TMCO1: variants seen among roughly 807,000 people sequenced by gnomAD.
TMCO1 encodes the protein transmembrane and coiled-coil domains 1.
A neutral mutation model predicts 29.3 loss-of-function variants in TMCO1; 29 were observed. That is an observed-to-expected ratio of 0.99 (90% confidence interval 0.74 to 1.35). The LOEUF is 1.35. TMCO1 is among the 40% of genes most tolerant of loss of function. The probability of loss-of-function intolerance (pLI) is 0.00; values close to 1 mark genes in which losing one functional copy is unlikely to be tolerated. For synonymous variants in TMCO1, 80 were observed against 77.1 expected, an observed-to-expected ratio of 1.04 and a Z score of -0.20; for missense variants, 173 against 225.5, an observed-to-expected ratio of 0.77 and a Z score of 1.49.
At chr1:165,725,397 C>G (rs1158382626), downstream of TMCO1, 1 of 454,086 alleles carries the variant, frequency 2.2e-6, no homozygotes, top group Admixed American at 2.3e-5. Flanking sequence ...ATATGAATAT[C>G]TACACACATT....
intron 6 of TMCO1, among the ~76,000 whole-genome samples, chr1:165,742,899 G>A (rs540794472): frequency 6.6e-6 from 1 of 152,284 alleles, no homozygotes; most frequent in South Asian, 2.1e-4. Context: ...GCTTTAGGCA[G>A]TTGTAATAAA....
At chr1:165,725,789 A>G, downstream of TMCO1, 1 of 458,408 alleles carries the variant, frequency 2.2e-6, no homozygotes, top group Non-Finnish European at 4.4e-6. Context: ...AATTCTTGTG[A>G]TAGTTTTATT....
intron 5 of TMCO1, among the ~76,000 whole-genome samples, chr1:165,747,267 CAAAAAA>C (rs137894882): frequency 1.2e-5 from 1 of 81,966 alleles, no homozygotes; most frequent in Non-Finnish European, 2.2e-5. Context: ...GGCTCTGTCT[CAAAAAA>C]AAAAAAAAAA....
chr1:165,761,371 T>C (rs1002070767), intron 2 of TMCO1, among the ~76,000 whole-genome samples: 1 of 151,712 alleles, frequency 6.6e-6, no homozygotes. Flanking sequence ...TCTGTCTCTA[T>C]AAAAAATTGA....
At chr1:165,756,047 TA>T (rs35055828) in intron 3 of TMCO1, among the ~76,000 whole-genome samples, 85,273 of 145,672 alleles carry the variant, frequency 0.59, 24,598 homozygotes, top group East Asian at 0.84. Context: ...GCAGCTTGTT[TA>T]AAAAAAAAAA....
chr1:165,726,201 G>A (rs1650883067), downstream of TMCO1: 1 of 699,152 alleles, frequency 1.4e-6, no homozygotes, highest in Admixed American at 2.0e-5. Context: ...AGTGGTCAAT[G>A]ATATGGAGAA....
intron 2 of TMCO1, among the ~76,000 whole-genome samples, chr1:165,765,564 G>A (rs1213845783): frequency 1.3e-5 from 2 of 152,240 alleles, no homozygotes; most frequent in Admixed American, 6.5e-5. Flanking sequence ...TTACAGGCCT[G>A]AGCCACCGCG....
chr1:165,731,850 G>A lies in TMCO1; in HGVS notation c.469-3729C>T, dbSNP rs1651171588. ...TACTCTATACTTTCCTTTCCTTGTG[G>A]CTCTTGCCACAGACCCGTTTTGGGA... On this transcript the variant is annotated intron_variant, in intron 6 of 6. Transcript: ENST00000367881. Among the ~76,000 whole-genome samples, 2 of 152,174 alleles carry A rather than the reference G, an allele frequency of 1.3e-5. 1 individual carries two copies. Among genetic ancestry groups the A allele is most frequent in the South Asian group, 4.1e-4 (2 of 4,832 alleles).
In TMCO1 at chr1:165,754,489, T is replaced by C. The variant is rs72699931; in HGVS notation, c.209-215A>G. Reference sequence around the variant, plus strand: ...TCAATTTAAATAAATAAATCTTTAGTGTTTTTTTGAAATTACCTCTGGTAT... The same window carrying C: ...TCAATTTAAATAAATAAATCTTTAGCGTTTTTTTGAAATTACCTCTGGTAT... On this transcript the variant is annotated intron_variant, in intron 3 of 6. Transcript: ENST00000367881. Among the ~76,000 whole-genome samples, 10,740 of 152,286 alleles carry C rather than the reference T, an allele frequency of 0.071. 492 individuals carry two copies. The highest frequency in any genetic ancestry group is 0.1 in the Non-Finnish European group (6,994 of 68,014).
chr1:165,725,773 G>C (rs186605855), downstream of TMCO1: 854 of 455,870 alleles, frequency 1.9e-3, 9 homozygotes, highest in African/African-American at 0.015. Context: ...ATAACTCCTT[G>C]AATTTAATTC....
chr1:165,725,982 C>T, downstream of TMCO1: 2 of 678,748 alleles, frequency 2.9e-6, no homozygotes, highest in African/African-American at 1.8e-5. Context: ...TATATGAAAA[C>T]CTGGTCCATA....
intron 6 of TMCO1, among the ~76,000 whole-genome samples, chr1:165,732,515 A>ATT (rs1459072217): frequency 6.6e-6 from 1 of 151,180 alleles, no homozygotes; most frequent in Non-Finnish European, 1.5e-5. Flanking sequence ...CTATATATAT[A>ATT]TATATAAACA....
At chr1:165,733,975 C>T (rs1651273689) in intron 6 of TMCO1, among the ~76,000 whole-genome samples, 1 of 152,216 alleles carries the variant, frequency 6.6e-6, no homozygotes, top group South Asian at 2.1e-4. Context: ...AGGTCAATGG[C>T]AATAAACACA....
chr1:165,765,435 C>T (rs1466722620), intron 2 of TMCO1, among the ~76,000 whole-genome samples: 1 of 152,180 alleles, frequency 6.6e-6, no homozygotes, highest in Non-Finnish European at 1.5e-5. Flanking sequence ...AGGCATGTGC[C>T]ACCACGCCCA....
Position 165,768,173 on chromosome 1 carries a change from A to G in TMCO1, c.148+19T>C, listed in dbSNP as rs1228573402. 1.3e-6 allele frequency: 2 copies of G among 1,590,760 alleles called. No homozygotes were observed. Among genetic ancestry groups the G allele is most frequent in the Non-Finnish European group, 1.7e-6 (2 of 1,158,624 alleles). ...AGCTTGACGTGTTGAAATTATTTCT[A>G]ATGTGTTGCCATACTCACATTTTTT... On this transcript the variant is annotated intron_variant, in intron 2 of 6. Coordinates refer to ENST00000367881, the MANE Select transcript of TMCO1 (RefSeq NM_019026.6).
At chr1:165,745,373 T>C (rs2101800561) in intron 5 of TMCO1, among the ~76,000 whole-genome samples, 1 of 148,618 alleles carries the variant, frequency 6.7e-6, no homozygotes, top group Admixed American at 6.8e-5. Flanking sequence ...TGGTGGCTCA[T>C]GTCTCATAAT....
In TMCO1 at chr1:165,748,662, T is replaced by C. The variant is rs1208197821; in HGVS notation, c.323+3440A>G. On this transcript the variant is annotated intron_variant, in intron 5 of 6. Coordinates refer to ENST00000367881, the MANE Select transcript of TMCO1 (RefSeq NM_019026.6). ...CACTAAAACATATGGATGAGAATGCTGCTTTCACAGGGAACACAATTGGTT... is the reference window on the plus strand; with the variant it reads ...CACTAAAACATATGGATGAGAATGCCGCTTTCACAGGGAACACAATTGGTT... Among the ~76,000 whole-genome samples, 4 of 152,302 alleles carry C rather than the reference T, an allele frequency of 2.6e-5. No homozygotes were observed. The East Asian group carries it at 7.7e-4, about 29-fold the overall frequency.
intron 5 of TMCO1, among the ~76,000 whole-genome samples, chr1:165,748,531 C>T (rs770626148): frequency 1.3e-5 from 2 of 152,012 alleles, no homozygotes; most frequent in Non-Finnish European, 2.9e-5. Context: ...CAGTACATAT[C>T]ATTAAATTTG....
chr1:165,739,495 T>C (rs1261178993), intron 6 of TMCO1, among the ~76,000 whole-genome samples: 1 of 151,984 alleles, frequency 6.6e-6, no homozygotes, highest in African/African-American at 2.4e-5. Context: ...TCAAGCAATC[T>C]TCCCACCTCA....
Sources: allele counts gnomAD v4.1 joint callset (sites outside exome capture counted in the v4.1 genomes callset), GRCh38; gene constraint gnomAD v4.1.1; transcripts MANE v1.5; gene names NCBI Gene and HGNC (gene_info 2026-07-23, HGNC 2026-07-21).